Variants in DYNC2LI1 observed in about 807,000 individuals in gnomAD.
DYNC2LI1 encodes the protein dynein cytoplasmic 2 light intermediate chain 1, also known as cytoplasmic dynein 2 light intermediate chain 1.
DYNC2LI1 carries 45 observed loss-of-function variants against 51.9 expected under a neutral mutation model. The observed-to-expected ratio is 0.87, with a 90% confidence interval of 0.68 to 1.11. The LOEUF (loss-of-function observed/expected upper bound fraction) is 1.11. Ranked by LOEUF, DYNC2LI1 falls within the 50% of genes most tolerant of loss-of-function variation. The probability of loss-of-function intolerance (pLI) is 0.00; values close to 1 mark genes in which losing one functional copy is unlikely to be tolerated. For synonymous variants in DYNC2LI1, 130 were observed against 137.8 expected (o/e 0.94, Z 0.40); for missense variants, 490 against 417.4 (o/e 1.17, Z -1.51).
At chr2:43,801,737 T>A in intron 10 of DYNC2LI1, 28 bp downstream of exon 10, 1 of 1,556,574 alleles carries the variant, frequency 6.4e-7, no homozygotes, top group Non-Finnish European at 8.8e-7. Flanking sequence ...GATTGTTCAA[T>A]CTTTTTTTAA....
At chr2:43,810,362 A>C, downstream of DYNC2LI1, 1 of 985,318 alleles carries the variant, frequency 1.0e-6, no homozygotes, top group Non-Finnish European at 1.2e-6. Flanking sequence ...TATTTTAAAT[A>C]CCACTTTTTG....
At chr2:43,787,484 T>C (rs556339734) in intron 4 of DYNC2LI1, among the ~76,000 whole-genome samples, 1 of 152,224 alleles carries the variant, frequency 6.6e-6, no homozygotes, top group Non-Finnish European at 1.5e-5. Context: ...TAAGATACCT[T>C]TTTAACTTTA....
In DYNC2LI1 at chr2:43,782,260, A is replaced by G. The variant is rs72873526; in HGVS notation, c.127-1260A>G. 6.6e-3 allele frequency among the ~76,000 whole-genome samples: 1,012 copies of G among 152,312 alleles called. 12 individuals are homozygous for G. The highest frequency in any genetic ancestry group is 0.023 in the African/African-American group (941 of 41,562). On this transcript the variant is annotated intron_variant, in intron 2 of 12. Coordinates refer to ENST00000260605, the MANE Select transcript of DYNC2LI1 (RefSeq NM_016008.4). ...AACACTGGCCAATAAACATCCTTCA[A>G]TAATATACATTTTTATATTGTACAA...
the DYNC2LI1 span, chr2:43,824,618 G>T: frequency 1.0e-6 from 1 of 985,418 alleles, no homozygotes; most frequent in Non-Finnish European, 1.2e-6. Context: ...GGATCCCATT[G>T]GGATTGTCTG....
At chr2:43,810,128 T>G, downstream of DYNC2LI1, 1 of 355,898 alleles carries the variant, frequency 2.8e-6, no homozygotes, top group Middle Eastern at 1.4e-3. Flanking sequence ...AGTGCCCACG[T>G]TAGACACATT....
downstream of DYNC2LI1, among the ~76,000 whole-genome samples, chr2:43,813,695 GGGTTTTTTTTTTC>G (rs1666614576): frequency 7.5e-6 from 1 of 133,604 alleles, no homozygotes; most frequent in Admixed American, 7.8e-5. Flanking sequence ...GTTTTTTTTG[GGGTTTTTTTTTTC>G]GTTTTTTTTT....
chr2:43,779,832 T>A (rs944714631), intron 2 of DYNC2LI1, among the ~76,000 whole-genome samples: 1 of 152,212 alleles, frequency 6.6e-6, no homozygotes, highest in Non-Finnish European at 1.5e-5. Context: ...ATTTTGATGA[T>A]GGATGTTAGT....
intron 7 of DYNC2LI1, 28 bp from the exon 8 acceptor site, chr2:43,796,690 G>T: frequency 6.5e-7 from 1 of 1,529,692 alleles, no homozygotes; most frequent in South Asian, 1.1e-5. Flanking sequence ...TGGTTATCTT[G>T]ACTTTTTAAA....
intron 12 of DYNC2LI1, among the ~76,000 whole-genome samples, chr2:43,806,371 G>C (rs959125007): frequency 1.7e-4 from 26 of 152,208 alleles, no homozygotes; most frequent in African/African-American, 6.0e-4. Flanking sequence ...TCAGCTGGGA[G>C]TAGGAGCCAG....
At chr2:43,798,112 C>CAA (rs111492318) in intron 8 of DYNC2LI1, among the ~76,000 whole-genome samples, 20 of 144,824 alleles carry the variant, frequency 1.4e-4, no homozygotes, top group South Asian at 4.4e-4. Flanking sequence ...GGGCTTGTCT[C>CAA]AAAAAAAAAA....
chr2:43,805,117 T>A, intron 11 of DYNC2LI1, 37 bp from the exon 12 acceptor site: 1 of 1,439,492 alleles, frequency 6.9e-7, no homozygotes, highest in Non-Finnish European at 9.7e-7. Flanking sequence ...AATTTTGGTT[T>A]ATGGGCGTGA....
At chr2:43,789,844 A>T (rs189552612) in intron 5 of DYNC2LI1, 123 bp downstream of exon 5, 71 of 707,834 alleles carry the variant, frequency 1.0e-4, no homozygotes, top group South Asian at 4.5e-4. Context: ...GCTTATGCCC[A>T]CTTCCTTTCT....
chr2:43,825,355 G>A, the DYNC2LI1 span, among the ~76,000 whole-genome samples: 5 of 152,236 alleles, frequency 3.3e-5, no homozygotes, highest in Admixed American at 2.6e-4. Flanking sequence ...GAGTGACCTC[G>A]GGCGAGCAGG....
intron 9 of DYNC2LI1, 96 bp from the exon 10 acceptor site, chr2:43,801,542 TA>T: frequency 1.2e-6 from 1 of 848,634 alleles, no homozygotes; most frequent in Non-Finnish European, 1.9e-6. Flanking sequence ...TGGCTAAATG[TA>T]AAACTAGCCG....
chr2:43,826,780 G>A, the DYNC2LI1 span, among the ~76,000 whole-genome samples: 15 of 152,284 alleles, frequency 9.9e-5, no homozygotes, highest in South Asian at 1.5e-3. Flanking sequence ...GGCCTCTTAC[G>A]GGCCATCTGG....
the DYNC2LI1 span, among the ~76,000 whole-genome samples, chr2:43,823,153 A>C: frequency 3.3e-5 from 5 of 152,146 alleles, no homozygotes; most frequent in Admixed American, 3.3e-4. Context: ...ATTGCAAAAG[A>C]TGTCATTTAT....
the DYNC2LI1 span, chr2:43,826,643 A>G: frequency 6.9e-7 from 1 of 1,457,720 alleles, no homozygotes. Context: ...GTGCGGTGGG[A>G]AGTAAACATG....
chr2:43,823,910 T>TA, the DYNC2LI1 span: 4 of 1,613,850 alleles, frequency 2.5e-6, no homozygotes, highest in Non-Finnish European at 3.4e-6. Flanking sequence ...CGTGGGCACT[T>TA]ACACAGATTC....
At chr2:43,813,145 T>C (rs2104740826), downstream of DYNC2LI1, 3 of 1,433,292 alleles carry the variant, frequency 2.1e-6, no homozygotes, top group South Asian at 1.1e-5. Context: ...TCCCTTATTT[T>C]GAAAACAACT....
Sources: allele counts gnomAD v4.1 joint callset (sites outside exome capture counted in the v4.1 genomes callset), GRCh38; gene constraint gnomAD v4.1.1; transcripts MANE v1.5; gene names NCBI Gene and HGNC (gene_info 2026-07-23, HGNC 2026-07-21).